COBL: variants seen among roughly 807,000 people sequenced by gnomAD.
COBL encodes protein cordon-bleu.
COBL carries 51 observed loss-of-function variants against 98.8 expected under a neutral mutation model. That is an observed-to-expected ratio of 0.52 (90% CI 0.41 to 0.65). COBL has a LOEUF of 0.65. Among genes scored for constraint, COBL ranks in the 30% least tolerant of loss-of-function variants. The probability of loss-of-function intolerance (pLI) is 0.00; values close to 1 mark genes in which losing one functional copy is unlikely to be tolerated. For missense variants in COBL, 1,617 were observed against 1,617.5 expected, an observed-to-expected ratio of 1.00 and a Z score of 0.01; for synonymous variants, 634 against 651.7, an observed-to-expected ratio of 0.97 and a Z score of 0.41.
chr7:51,260,050 C>A, intron 1 of COBL: 1 of 931,816 alleles, frequency 1.1e-6, no homozygotes, highest in South Asian at 1.3e-5. Flanking sequence ...TTCCTCTGCT[C>A]CTTCTTCTCC....
chr7:51,226,265 CCTGG>C (rs1326599647), intron 1 of COBL, among the ~76,000 whole-genome samples: 1 of 152,186 alleles, frequency 6.6e-6, no homozygotes, highest in Non-Finnish European at 1.5e-5. Context: ...ACCCGGCTCT[CCTGG>C]CTAAGAGAGT....
intron 2 of COBL, among the ~76,000 whole-genome samples, chr7:51,201,591 A>G (rs1194032494): frequency 6.6e-6 from 1 of 152,240 alleles, no homozygotes; most frequent in Non-Finnish European, 1.5e-5. Context: ...TAAACAGAAT[A>G]ACTGAAAAAC....
intron 2 of COBL, among the ~76,000 whole-genome samples, chr7:51,207,326 G>A (rs1334260281): frequency 5.3e-5 from 8 of 151,332 alleles, no homozygotes; most frequent in Admixed American, 1.3e-4. Flanking sequence ...TCACCTAGTG[G>A]GTACAATGTG....
chr7:51,102,623 C>T (rs907042209), intron 6 of COBL, among the ~76,000 whole-genome samples: 6 of 152,168 alleles, frequency 3.9e-5, no homozygotes, highest in African/African-American at 1.4e-4. Flanking sequence ...GAAGTGAAGA[C>T]ACTCCTTAAG....
At chr7:51,252,960 C>T (rs188217515) in intron 1 of COBL, among the ~76,000 whole-genome samples, 11 of 152,240 alleles carry the variant, frequency 7.2e-5, no homozygotes, top group East Asian at 1.9e-4. Flanking sequence ...CAGTGGTTCA[C>T]GCCTGTAATC....
At chr7:51,209,305 CCTCATCCA>C (rs1373322726) in intron 2 of COBL, among the ~76,000 whole-genome samples, 3 of 152,072 alleles carry the variant, frequency 2.0e-5, no homozygotes, top group Non-Finnish European at 4.4e-5. Flanking sequence ...CAATATTTAC[CCTCATCCA>C]CTCTCCAGGA....
At chr7:51,141,087 G>C (rs921195251) in intron 5 of COBL, among the ~76,000 whole-genome samples, 3 of 151,386 alleles carry the variant, frequency 2.0e-5, no homozygotes, top group Non-Finnish European at 2.9e-5. Flanking sequence ...GGGACAAACA[G>C]GAGATGCTGT....
intron 1 of COBL, among the ~76,000 whole-genome samples, chr7:51,277,902 C>G (rs939027901): frequency 6.6e-6 from 1 of 152,174 alleles, no homozygotes; most frequent in African/African-American, 2.4e-5. Flanking sequence ...TATTCCCAAG[C>G]TGCCTCTGAG....
rs1229653111 is a variant in COBL at position 51,028,609 on chromosome 7, T to A, written c.2487A>T (p.Leu829=). 6.2e-7 allele frequency: 1 copy of A among 1,613,940 alleles called. No homozygotes were observed. Among genetic ancestry groups the A allele is most frequent in the East Asian group, 2.2e-5 (1 of 44,870 alleles). ...KSAHHEGRNP[L]GEGRNQPPTM... ...TGGGGGGCTGGTTTCTCCCCTCCCC[T>A]AGGGGGTTCCGGCCCTCATGGTGGG... The change falls in exon 10 of 13, where the codon CTA becomes CTT. Residue 829 remains leucine, a synonymous_variant. Coordinates refer to ENST00000265136, the MANE Select transcript of COBL (RefSeq NM_015198.5).
chr7:51,214,644 T>A (rs1422678191), intron 2 of COBL, among the ~76,000 whole-genome samples: 2 of 152,206 alleles, frequency 1.3e-5, no homozygotes, highest in Admixed American at 1.3e-4. Flanking sequence ...ACTCAGCAGA[T>A]CAATCAACAT....
chr7:51,208,622 G>A (rs182747410), intron 2 of COBL, among the ~76,000 whole-genome samples: 22 of 152,342 alleles, frequency 1.4e-4, no homozygotes, highest in East Asian at 9.7e-4. Context: ...AATGGAAAGC[G>A]GGGAAAGGTG....
At chr7:51,243,043 T>C (rs938557543) in intron 1 of COBL, among the ~76,000 whole-genome samples, 4 of 152,174 alleles carry the variant, frequency 2.6e-5, no homozygotes, top group Non-Finnish European at 4.4e-5. Flanking sequence ...ACCAGACCAA[T>C]TTTCTGCGCT....
intron 1 of COBL, among the ~76,000 whole-genome samples, chr7:51,227,745 C>G (rs1195427962): frequency 6.6e-6 from 1 of 152,154 alleles, no homozygotes; most frequent in African/African-American, 2.4e-5. Context: ...TTTCTTGGAG[C>G]TCAGCACCTC....
At chr7:51,128,285 T>C (rs181515111) in intron 6 of COBL, among the ~76,000 whole-genome samples, 1 of 152,304 alleles carries the variant, frequency 6.6e-6, no homozygotes, top group African/African-American at 2.4e-5. Context: ...TTAGCAAGGA[T>C]GCCAGGATGG....
At chr7:51,229,805 A>G (rs998004308) in intron 1 of COBL, among the ~76,000 whole-genome samples, 1 of 152,092 alleles carries the variant, frequency 6.6e-6, no homozygotes, top group East Asian at 1.9e-4. Context: ...TCTGCCAACC[A>G]TTGTCCCAGG....
intron 5 of COBL, among the ~76,000 whole-genome samples, chr7:51,149,503 C>T (rs1463934087): frequency 1.3e-5 from 2 of 152,210 alleles, no homozygotes; most frequent in African/African-American, 2.4e-5. Flanking sequence ...AGCAAATAAA[C>T]TGATTTTCTC....
intron 1 of COBL, chr7:51,259,644 T>C: frequency 1.4e-6 from 1 of 729,716 alleles, no homozygotes; most frequent in Non-Finnish European, 2.5e-6. Context: ...ATTCCCCTGG[T>C]GCTCCTCATC....
At chr7:51,170,195 T>C (rs1217783398) in intron 5 of COBL, among the ~76,000 whole-genome samples, 1 of 152,108 alleles carries the variant, frequency 6.6e-6, no homozygotes, top group Non-Finnish European at 1.5e-5. Context: ...ATCTACACTT[T>C]TCTTTTTTCC....
chr7:51,260,741 T>C (rs1797641224), intron 1 of COBL, among the ~76,000 whole-genome samples: 1 of 152,168 alleles, frequency 6.6e-6, no homozygotes, highest in Non-Finnish European at 1.5e-5. Flanking sequence ...GCAGGTAAGC[T>C]GCAGCTGGGG....
Sources: allele counts gnomAD v4.1 joint callset (sites outside exome capture counted in the v4.1 genomes callset), GRCh38; gene constraint gnomAD v4.1.1; transcripts MANE v1.5; gene names NCBI Gene and HGNC (gene_info 2026-07-23, HGNC 2026-07-21).